LRRTM4: variants seen among roughly 807,000 people sequenced by gnomAD.
The protein encoded by LRRTM4 is leucine-rich repeat transmembrane neuronal protein 4.
A neutral mutation model predicts 47.6 loss-of-function variants in LRRTM4; 25 were observed. The observed-to-expected ratio is 0.53, with a 90% CI of 0.38 to 0.73. LRRTM4 has a LOEUF of 0.73. Ranked by LOEUF, LRRTM4 falls within the 30% of genes least tolerant of loss-of-function variation. LRRTM4 has a pLI of 0.00. For missense variants in LRRTM4, 638 were observed against 713.4 expected (o/e 0.89, Z 1.20); for synonymous variants, 311 against 269.5 (o/e 1.15, Z -1.51).
intron 3 of LRRTM4, among the ~76,000 whole-genome samples, chr2:77,107,679 G>T (rs555444520): frequency 6.6e-6 from 1 of 151,874 alleles, no homozygotes; most frequent in Non-Finnish European, 1.5e-5. Context: ...TTAGCCTGGC[G>T]TGGTGATGCA....
At chr2:76,852,544 CTTATG>C (rs957157162) in intron 3 of LRRTM4, among the ~76,000 whole-genome samples, 20 of 151,994 alleles carry the variant, frequency 1.3e-4, no homozygotes, top group Non-Finnish European at 2.1e-4. Flanking sequence ...TTGCTATTAT[CTTATG>C]TTATTATTTA....
intron 3 of LRRTM4, among the ~76,000 whole-genome samples, chr2:76,935,965 T>C (rs1029604629): frequency 3.3e-5 from 5 of 152,146 alleles, no homozygotes; most frequent in African/African-American, 9.7e-5. Flanking sequence ...CAGTGTGATA[T>C]TGGCTATGAG....
At chr2:76,895,877 T>A (rs1340705832) in intron 3 of LRRTM4, among the ~76,000 whole-genome samples, 1 of 151,992 alleles carries the variant, frequency 6.6e-6, no homozygotes, top group East Asian at 1.9e-4. Flanking sequence ...CTTCTTTTCT[T>A]TTTCTCTTTT....
intron 3 of LRRTM4, among the ~76,000 whole-genome samples, chr2:77,380,119 A>T (rs772204053): frequency 6.6e-6 from 1 of 152,158 alleles, no homozygotes; most frequent in Non-Finnish European, 1.5e-5. Context: ...TGACTTACAG[A>T]TTATCTTGTG....
chr2:76,913,195 T>C (rs189393817), intron 3 of LRRTM4, among the ~76,000 whole-genome samples: 38 of 152,314 alleles, frequency 2.5e-4, no homozygotes, highest in Non-Finnish European at 4.6e-4. Context: ...GTTTGAAATA[T>C]TGTTATATTT....
chr2:77,149,472 C>T (rs1672358822), intron 3 of LRRTM4, among the ~76,000 whole-genome samples: 1 of 152,068 alleles, frequency 6.6e-6, no homozygotes, highest in Non-Finnish European at 1.5e-5. Context: ...AGCAAAGGCT[C>T]CCGAGGTTCT....
At chr2:77,511,911 C>A (rs2104105369) in intron 3 of LRRTM4, among the ~76,000 whole-genome samples, 1 of 152,148 alleles carries the variant, frequency 6.6e-6, no homozygotes, top group Non-Finnish European at 1.5e-5. Context: ...GTTTACAAAC[C>A]TTACGTAAGT....
chr2:77,107,697 A>G (rs1341569156), intron 3 of LRRTM4, among the ~76,000 whole-genome samples: 2 of 151,972 alleles, frequency 1.3e-5, no homozygotes, highest in Non-Finnish European at 1.5e-5. Context: ...GCATGCCTGT[A>G]ATCCTAGCTA....
At chr2:77,254,542 A>T (rs1432411989) in intron 3 of LRRTM4, among the ~76,000 whole-genome samples, 1 of 151,926 alleles carries the variant, frequency 6.6e-6, no homozygotes, top group Non-Finnish European at 1.5e-5. Flanking sequence ...TGGATCTTTC[A>T]CTTTTCTATT....
intron 3 of LRRTM4, among the ~76,000 whole-genome samples, chr2:77,380,371 C>T (rs532842874): frequency 6.6e-6 from 1 of 152,158 alleles, no homozygotes; most frequent in Non-Finnish European, 1.5e-5. Context: ...AATATATTAA[C>T]AAAATTTGAC....
intron 3 of LRRTM4, among the ~76,000 whole-genome samples, chr2:76,942,672 G>A (rs1675188009): frequency 7.5e-6 from 1 of 133,674 alleles, no homozygotes; most frequent in Non-Finnish European, 1.5e-5. Flanking sequence ...CAACCTCTAG[G>A]AATCTGTGTG....
intron 3 of LRRTM4, among the ~76,000 whole-genome samples, chr2:77,168,511 T>A (rs1672954186): frequency 6.6e-6 from 1 of 152,130 alleles, no homozygotes; most frequent in Admixed American, 6.6e-5. Context: ...ATCAGGATGT[T>A]TAGGATGTCA....
At chr2:76,843,267 A>G (rs1369398514) in intron 3 of LRRTM4, among the ~76,000 whole-genome samples, 1 of 152,160 alleles carries the variant, frequency 6.6e-6, no homozygotes, top group Non-Finnish European at 1.5e-5. Flanking sequence ...TCCAGGGTCT[A>G]TTCTTTTGTA....
intron 3 of LRRTM4, among the ~76,000 whole-genome samples, chr2:77,402,377 G>A (rs758967817): frequency 2.0e-5 from 3 of 151,782 alleles, no homozygotes; most frequent in Non-Finnish European, 2.9e-5. Flanking sequence ...TCAAACTGCT[G>A]GGCTTAAGCA....
At chr2:77,377,861 C>T (rs1212595213) in intron 3 of LRRTM4, among the ~76,000 whole-genome samples, 1 of 151,806 alleles carries the variant, frequency 6.6e-6, no homozygotes. Context: ...ACTCCTCTAT[C>T]GAAAATGCAA....
chr2:77,323,891 CTAGCTGA>C (rs1290560058), intron 3 of LRRTM4, among the ~76,000 whole-genome samples: 1 of 151,888 alleles, frequency 6.6e-6, no homozygotes, highest in African/African-American at 2.4e-5. Flanking sequence ...ATAATAGTCC[CTAGCTGA>C]TATAAGAATT....
chr2:77,250,032 C>G (rs536778291), intron 3 of LRRTM4, among the ~76,000 whole-genome samples: 110 of 151,948 alleles, frequency 7.2e-4, no homozygotes, highest in Non-Finnish European at 1.2e-3. Flanking sequence ...ATGAAGGAAA[C>G]TTAAATGTAA....
In LRRTM4 at chr2:76,972,655, C is replaced by T. The variant is rs568754681; in HGVS notation, c.1552-223739G>A. Among the ~76,000 whole-genome samples the T allele has an allele frequency of 2.6e-5, 4 of 151,904 alleles. No homozygotes were observed. In the East Asian group the frequency reaches 5.9e-4, roughly 22 times the overall value. ...ACTGGTCGACTCGAACTCCTGACCT[C>T]GTGATGTGCCCACCTCGGCCTCCCA... On this transcript the variant is annotated intron_variant, in intron 3 of 3. Coordinates refer to ENST00000409884, the MANE Select transcript of LRRTM4 (RefSeq NM_001134745.3).
At chr2:77,178,406 T>C (rs1434923069) in intron 3 of LRRTM4, among the ~76,000 whole-genome samples, 3 of 151,984 alleles carry the variant, frequency 2.0e-5, no homozygotes, top group Admixed American at 2.0e-4. Context: ...GCCAACATGG[T>C]GAAACCCCGT....
Sources: allele counts gnomAD v4.1 joint callset (sites outside exome capture counted in the v4.1 genomes callset), GRCh38; gene constraint gnomAD v4.1.1; transcripts MANE v1.5; gene names NCBI Gene and HGNC (gene_info 2026-07-23, HGNC 2026-07-21).